LAMA2: variants seen among roughly 807,000 people sequenced by gnomAD.
LAMA2 encodes laminin subunit alpha-2.
LAMA2 carries 269 observed loss-of-function variants against 364.8 expected under a neutral mutation model. The ratio of observed to expected loss-of-function variants is 0.74; its 90% confidence interval spans 0.67 to 0.82. The LOEUF (loss-of-function observed/expected upper bound fraction) is 0.82, where lower values mean the gene tolerates loss of function less well. Ranked by LOEUF, LAMA2 falls within the 40% of genes least tolerant of loss-of-function variation. The pLI, the probability that LAMA2 is intolerant of heterozygous loss-of-function variation, is 0.00. For synonymous variants in LAMA2, 1,379 were observed against 1,370.6 expected (o/e 1.01, Z -0.14); for missense variants, 3,807 against 3,873.2 (o/e 0.98, Z 0.45).
intron 4 of LAMA2, among the ~76,000 whole-genome samples, chr6:129,108,961 CT>C (rs2114895804): frequency 6.6e-6 from 1 of 152,190 alleles, no homozygotes; most frequent in African/African-American, 2.4e-5. Flanking sequence ...ATAGAAGCTA[CT>C]TAAAAAGTGT....
chr6:129,284,414 A>G, intron 18 of LAMA2, among the ~76,000 whole-genome samples: 1 of 152,110 alleles, frequency 6.6e-6, no homozygotes, highest in Non-Finnish European at 1.5e-5. Context: ...GCATATCTCC[A>G]GTTGTTCTAC....
chr6:128,938,257 C>A (rs1174103189), intron 1 of LAMA2, among the ~76,000 whole-genome samples: 1 of 151,902 alleles, frequency 6.6e-6, no homozygotes, highest in Non-Finnish European at 1.5e-5. Flanking sequence ...TATCTACCTC[C>A]CTGACTGATT....
intron 9 of LAMA2, among the ~76,000 whole-genome samples, chr6:129,176,486 C>T (rs9385481): frequency 6.6e-6 from 1 of 152,078 alleles, no homozygotes; most frequent in East Asian, 1.9e-4. Flanking sequence ...CTTACTTCAT[C>T]TGTAAATACT....
intron 41 of LAMA2, among the ~76,000 whole-genome samples, chr6:129,428,556 G>A (rs937793964): frequency 1.3e-5 from 2 of 152,196 alleles, no homozygotes; most frequent in Non-Finnish European, 2.9e-5. Flanking sequence ...CCAGGTTCAA[G>A]TGATTGTCCT....
intron 58 of LAMA2, among the ~76,000 whole-genome samples, chr6:129,500,838 T>A (rs1238939902): frequency 6.6e-6 from 1 of 152,332 alleles, no homozygotes; most frequent in East Asian, 1.9e-4. Flanking sequence ...GAAAATTTTT[T>A]AAATTTTAAT....
Position 129,507,521 on chromosome 6 carries a change from T to G in LAMA2, c.8736T>G (p.Asn2912Lys), listed in dbSNP as rs765843291. 7 of 1,614,024 alleles carry G rather than the reference T, an allele frequency of 4.3e-6. No individual in the cohort carries two copies. In the African/African-American group the frequency reaches 9.3e-5, roughly 22 times the overall value. ...VTYSIDGCVRNLHMAEAPADL... is the reference protein window; with the variant it reads ...VTYSIDGCVRKLHMAEAPADL... ...ATAGCATTGATGGCTGCGTCAGGAA[T>G]CTCCACATGGCAGAGGCCCCTGCCG... The change falls in exon 62 of 65, where the codon AAT becomes AAG. Residue 2912 changes from asparagine (N) to lysine (K), a missense_variant. Transcript: ENST00000421865.
chr6:129,343,717 T>A (rs1490560000), intron 30 of LAMA2, among the ~76,000 whole-genome samples: 1 of 152,116 alleles, frequency 6.6e-6, no homozygotes, highest in African/African-American at 2.4e-5. Context: ...GCATGCCATT[T>A]TTTGGAGGAG....
At chr6:129,270,892 A>G in intron 17 of LAMA2, 141 bp downstream of exon 17, 1 of 938,364 alleles carries the variant, frequency 1.1e-6, no homozygotes. Context: ...AATTATATGA[A>G]TTTTTTCAAA....
At chr6:129,244,667 T>C (rs142474270) in intron 12 of LAMA2, among the ~76,000 whole-genome samples, 188 of 152,176 alleles carry the variant, frequency 1.2e-3, no homozygotes, top group African/African-American at 4.2e-3. Context: ...CCAGAAACAT[T>C]ATCCTCAATA....
At chr6:129,219,149 T>C (rs1374612444) in intron 12 of LAMA2, among the ~76,000 whole-genome samples, 1 of 152,190 alleles carries the variant, frequency 6.6e-6, no homozygotes, top group Non-Finnish European at 1.5e-5. Flanking sequence ...GGAGTGTACA[T>C]ATTTTATTTT....
At chr6:129,233,101 A>G (rs1265942034) in intron 12 of LAMA2, among the ~76,000 whole-genome samples, 7 of 152,176 alleles carry the variant, frequency 4.6e-5, no homozygotes, top group Non-Finnish European at 7.4e-5. Flanking sequence ...GAATGTATCC[A>G]TGCCGACACC....
At chr6:129,403,785 G>A (rs1316558678) in intron 39 of LAMA2, 36 bp from the exon 40 acceptor site, 3 of 1,597,342 alleles carry the variant, frequency 1.9e-6, no homozygotes, top group South Asian at 2.2e-5. Context: ...GTACCATTGA[G>A]TGCCCTGACA....
intron 1 of LAMA2, among the ~76,000 whole-genome samples, chr6:128,983,319 A>G (rs948309301): frequency 6.6e-6 from 1 of 151,930 alleles, no homozygotes; most frequent in Non-Finnish European, 1.5e-5. Context: ...CTGGTGTGAG[A>G]TGGTATCTCA....
At chr6:129,316,199 T>C in intron 27 of LAMA2, 28 bp downstream of exon 27, 2 of 1,569,634 alleles carry the variant, frequency 1.3e-6, no homozygotes, top group South Asian at 2.2e-5. Flanking sequence ...ATATTCAAGC[T>C]CTTATTTTAG....
chr6:129,206,086 A>G (rs1319287765), intron 12 of LAMA2, among the ~76,000 whole-genome samples: 24 of 104,608 alleles, frequency 2.3e-4, no homozygotes, highest in South Asian at 4.1e-4. Context: ...GGAAAGGAGG[A>G]AGGAAGGGAG....
chr6:129,278,027 C>T (rs1440745710), intron 17 of LAMA2, among the ~76,000 whole-genome samples: 1 of 151,948 alleles, frequency 6.6e-6, no homozygotes. Flanking sequence ...TATGGTGAGA[C>T]CCCATTTCTA....
At chr6:128,929,096 C>T (rs1342115939) in intron 1 of LAMA2, 17 of 1,457,498 alleles carry the variant, frequency 1.2e-5, no homozygotes, top group East Asian at 1.1e-4. Context: ...CACTGTGGAC[C>T]GCAGCAGCGT....
At chr6:129,478,276 T>A (rs201053205) in intron 53 of LAMA2, among the ~76,000 whole-genome samples, 1 of 22,052 alleles carries the variant, frequency 4.5e-5, no homozygotes, top group Non-Finnish European at 1.9e-4. Flanking sequence ...CGTTTTCAGA[T>A]TTTTTTTTCT....
At chr6:129,052,154 T>A (rs1198769524) in intron 2 of LAMA2, among the ~76,000 whole-genome samples, 10 of 135,416 alleles carry the variant, frequency 7.4e-5, no homozygotes, top group Admixed American at 5.8e-4. Context: ...TTTTTTTTTT[T>A]AGGCAGAGTT....
Sources: gnomAD v4.1 joint callset for allele counts (sites outside exome capture counted in the v4.1 genomes callset) on GRCh38, gnomAD v4.1.1 for gene constraint, MANE v1.5 for transcripts, NCBI Gene and HGNC (gene_info 2026-07-23, HGNC 2026-07-21) for gene names.